Variants in CCSER1 observed in about 807,000 individuals in gnomAD.
CCSER1 encodes coiled-coil serine rich protein 1.
A neutral mutation model predicts 82.0 loss-of-function variants in CCSER1; 41 were observed. The ratio of observed to expected loss-of-function variants is 0.50; its 90% CI spans 0.39 to 0.65. The LOEUF (loss-of-function observed/expected upper bound fraction) is 0.65. Ranked by LOEUF, CCSER1 falls within the 30% of genes least tolerant of loss-of-function variation. CCSER1 has a pLI of 0.00. For synonymous variants in CCSER1, 414 were observed against 383.9 expected, an observed-to-expected ratio of 1.08 and a Z score of -0.92; for missense variants, 1,119 against 1,064.2, an observed-to-expected ratio of 1.05 and a Z score of -0.72.
chr4:91,586,651 G>A (rs1764010199), intron 10 of CCSER1, among the ~76,000 whole-genome samples: 1 of 151,872 alleles, frequency 6.6e-6, no homozygotes, highest in Non-Finnish European at 1.5e-5. Context: ...ATTGCAGTGG[G>A]ATGATGAACA....
chr4:90,727,411 A>G (rs1158111187), intron 7 of CCSER1: 2 of 396,246 alleles, frequency 5.0e-6, no homozygotes, highest in Non-Finnish European at 9.9e-6. Flanking sequence ...TAAGTTTTTT[A>G]TAGTTTTCTG....
chr4:91,221,487 T>G (rs1212570181), intron 10 of CCSER1, among the ~76,000 whole-genome samples: 1 of 152,166 alleles, frequency 6.6e-6, no homozygotes, highest in Non-Finnish European at 1.5e-5. Context: ...ATTAAGAGCT[T>G]TAAAAGGTTA....
At chr4:90,879,541 AAAGAAGAAGAAGAGGAAG>A (rs1202075586) in intron 8 of CCSER1, among the ~76,000 whole-genome samples, 143 of 135,224 alleles carry the variant, frequency 1.1e-3, no homozygotes, top group African/African-American at 1.3e-3. Flanking sequence ...GAAGAAGAAG[AAAGAAGAAGAAGAGGAAG>A]AAGAAGAAGA....
intron 10 of CCSER1, among the ~76,000 whole-genome samples, chr4:91,421,616 G>T (rs975404858): frequency 2.0e-5 from 3 of 152,000 alleles, no homozygotes; most frequent in African/African-American, 7.3e-5. Flanking sequence ...TTTACCACCT[G>T]TCTGTATATC....
intron 6 of CCSER1, among the ~76,000 whole-genome samples, chr4:90,714,460 A>C (rs1741254146): frequency 6.6e-6 from 1 of 151,838 alleles, no homozygotes; most frequent in Non-Finnish European, 1.5e-5. Context: ...AAGAATATTT[A>C]ATAAGATAAA....
chr4:90,131,904 T>A (rs1722889513), intron 1 of CCSER1, among the ~76,000 whole-genome samples: 1 of 152,166 alleles, frequency 6.6e-6, no homozygotes, highest in African/African-American at 2.4e-5. Flanking sequence ...AATGCATTTC[T>A]TCATTTCAAG....
At chr4:90,492,628 TCTTTCCTG>T (rs1768236435) in intron 5 of CCSER1, among the ~76,000 whole-genome samples, 1 of 152,208 alleles carries the variant, frequency 6.6e-6, no homozygotes, top group Non-Finnish European at 1.5e-5. Context: ...CAATTTTAGA[TCTTTCCTG>T]CTTTCTCTTG....
At chr4:91,172,976 A>G (rs1191235881) in intron 10 of CCSER1, among the ~76,000 whole-genome samples, 1 of 152,210 alleles carries the variant, frequency 6.6e-6, no homozygotes, top group Non-Finnish European at 1.5e-5. Flanking sequence ...CATGTCATTA[A>G]TAGCACATTT....
chr4:90,877,353 T>C (rs1371654097), intron 8 of CCSER1, among the ~76,000 whole-genome samples: 3 of 152,042 alleles, frequency 2.0e-5, no homozygotes, highest in Non-Finnish European at 2.9e-5. Context: ...AGTAATCTGC[T>C]TTACCTCACT....
At chr4:90,662,084 C>T (rs143682271) in intron 6 of CCSER1, among the ~76,000 whole-genome samples, 4,726 of 151,418 alleles carry the variant, frequency 0.031, 181 homozygotes, top group African/African-American at 0.09. Context: ...TTGCAACCTC[C>T]GCCTCCCAGG....
chr4:91,114,789 G>T (rs971729334), intron 10 of CCSER1, among the ~76,000 whole-genome samples: 7 of 152,112 alleles, frequency 4.6e-5, no homozygotes, highest in Admixed American at 6.5e-5. Flanking sequence ...CAAACTCATT[G>T]GTTGTTAGTA....
chr4:90,939,523 G>A (rs1296722087), intron 9 of CCSER1, among the ~76,000 whole-genome samples: 2 of 152,120 alleles, frequency 1.3e-5, no homozygotes, highest in South Asian at 2.1e-4. Flanking sequence ...GCAAGGATAG[G>A]TGACAGAGAT....
chr4:90,491,021 T>C (rs978958158), intron 5 of CCSER1, among the ~76,000 whole-genome samples: 2 of 152,162 alleles, frequency 1.3e-5, no homozygotes, highest in African/African-American at 4.8e-5. Context: ...TTTGGTTCCA[T>C]AGGAACTTTA....
chr4:90,193,333 G>GA (rs1268808679), intron 1 of CCSER1, among the ~76,000 whole-genome samples: 1 of 152,024 alleles, frequency 6.6e-6, no homozygotes, highest in Non-Finnish European at 1.5e-5. Context: ...CTAAGAGAAT[G>GA]AAAAATCTAT....
intron 10 of CCSER1, among the ~76,000 whole-genome samples, chr4:91,589,835 A>G (rs1239426552): frequency 6.6e-6 from 1 of 151,938 alleles, no homozygotes; most frequent in Non-Finnish European, 1.5e-5. Flanking sequence ...TAATTGTCTG[A>G]AATTCTCATT....
intron 7 of CCSER1, among the ~76,000 whole-genome samples, chr4:90,807,153 T>C (rs1757623758): frequency 1.3e-5 from 2 of 152,160 alleles, no homozygotes; most frequent in South Asian, 2.1e-4. Context: ...GGCTAGTTAC[T>C]TGTAGCATCC....
chr4:90,381,223 G>A (rs575035149), intron 3 of CCSER1, among the ~76,000 whole-genome samples: 2 of 152,306 alleles, frequency 1.3e-5, no homozygotes, highest in East Asian at 1.9e-4. Context: ...AGGATAATTA[G>A]GGCAGAAGAG....
At chr4:90,718,410 C>A (rs944623638) in intron 6 of CCSER1, among the ~76,000 whole-genome samples, 1 of 152,004 alleles carries the variant, frequency 6.6e-6, no homozygotes, top group African/African-American at 2.4e-5. Flanking sequence ...TCAGGGGAGG[C>A]ATAATTAATG....
At chr4:90,797,021 G>C (rs1044236349) in intron 7 of CCSER1, among the ~76,000 whole-genome samples, 1 of 152,050 alleles carries the variant, frequency 6.6e-6, no homozygotes, top group East Asian at 1.9e-4. Flanking sequence ...CCAGTGCTGA[G>C]TTCGTGTCTT....
Sources: allele counts gnomAD v4.1 joint callset (sites outside exome capture counted in the v4.1 genomes callset), GRCh38; gene constraint gnomAD v4.1.1; transcripts MANE v1.5; gene names NCBI Gene and HGNC (gene_info 2026-07-23, HGNC 2026-07-21).